CATSPERD: variants seen among roughly 807,000 people sequenced by gnomAD.
CATSPERD encodes the protein catsper channel auxiliary subunit delta.
CATSPERD carries 86 observed loss-of-function variants against 98.1 expected under a neutral mutation model. The ratio of observed to expected loss-of-function variants is 0.88; its 90% CI spans 0.74 to 1.05. CATSPERD has a LOEUF of 1.05. Among genes scored for constraint, CATSPERD ranks in the 50% least tolerant of loss-of-function variants. The pLI is 0.00. For synonymous variants in CATSPERD, 394 were observed against 390.2 expected, an observed-to-expected ratio of 1.01 and a Z score of -0.12; for missense variants, 995 against 1,005.7, an observed-to-expected ratio of 0.99 and a Z score of 0.14.
At chr19:5,753,282 C>CT (rs1302730349) in intron 12 of CATSPERD, among the ~76,000 whole-genome samples, 3 of 151,780 alleles carry the variant, frequency 2.0e-5, no homozygotes, top group African/African-American at 7.3e-5. Context: ...AAAGAGGGGG[C>CT]GGGCGCGGTG....
chr19:5,734,006 T>G (rs2055789777), intron 5 of CATSPERD, 36 bp downstream of exon 5: 1 of 1,320,196 alleles, frequency 7.6e-7, no homozygotes, highest in Non-Finnish European at 1.1e-6. Context: ...TTTGTTTGAG[T>G]GTAGTCAACA....
chr19:5,748,067 G>A (rs1332376803), intron 9 of CATSPERD, 93 bp from the exon 10 acceptor site: 3 of 967,444 alleles, frequency 3.1e-6, no homozygotes, highest in African/African-American at 1.6e-5. Context: ...GGGTGGGTTG[G>A]GTGGTGGCAG....
rs2055622743 is a variant in CATSPERD, at chr19:5,727,247, AT to A, written c.127-17del. ...GTTTATGGTTATTGATATTATTAAG[AT>A]TTTGTGATTATCTCTCTAGGACCGC... On this transcript the variant is annotated intron_variant, in intron 2 of 21. Transcript: ENST00000381624. 1.3e-6 allele frequency: 2 copies of A among 1,579,838 alleles called. No individual in the cohort carries two copies. The highest frequency in any genetic ancestry group is 1.7e-6 in the Non-Finnish European group (2 of 1,151,134).
intron 16 of CATSPERD, among the ~76,000 whole-genome samples, chr19:5,764,583 C>T (rs1199028088): frequency 1.3e-5 from 2 of 152,004 alleles, no homozygotes; most frequent in African/African-American, 2.4e-5. Context: ...TCCCAAAGTG[C>T]TGGGATTACA....
At chr19:5,765,395 G>A (rs1404938716) in intron 16 of CATSPERD, among the ~76,000 whole-genome samples, 1 of 151,180 alleles carries the variant, frequency 6.6e-6, no homozygotes, top group Non-Finnish European at 1.5e-5. Context: ...TTCATTCTAG[G>A]CCATTGATTT....
rs577469444 is a variant in CATSPERD at position 5,722,518 on chromosome 19, G to A, written c.71+1710G>A. 2.8e-4 allele frequency among the ~76,000 whole-genome samples: 42 copies of A among 152,320 alleles called. No individual in the cohort carries two copies. In the South Asian group the frequency reaches 8.7e-3, roughly 32 times the overall value. ...TAGTAAGTGGGAGAAACATTTTCCAGTGAAATTTACTAATAGGATTTGTCT... is the reference window on the plus strand; with the variant it reads ...TAGTAAGTGGGAGAAACATTTTCCAATGAAATTTACTAATAGGATTTGTCT... On this transcript the variant is annotated intron_variant, in intron 1 of 21. Coordinates refer to ENST00000381624, the MANE Select transcript of CATSPERD (RefSeq NM_152784.4).
chr19:5,773,102 C>G, intron 20 of CATSPERD, 137 bp downstream of exon 20: 1 of 848,312 alleles, frequency 1.2e-6, no homozygotes, highest in Non-Finnish European at 1.8e-6. Context: ...GCCTGTAATC[C>G]CAGCACTTTG....
chr19:5,758,947 G>T, intron 14 of CATSPERD, 139 bp from the exon 15 acceptor site: 1 of 411,744 alleles, frequency 2.4e-6, no homozygotes, highest in Non-Finnish European at 4.3e-6. Flanking sequence ...AAAAAAAAAA[G>T]GAACAGAGTG....
At chr19:5,720,998 TC>T (rs2055452748) in intron 1 of CATSPERD, among the ~76,000 whole-genome samples, 190 bp downstream of exon 1, 2 of 142,392 alleles carry the variant, frequency 1.4e-5, no homozygotes, top group South Asian at 4.4e-4. Context: ...CTCTCCTACC[TC>T]TTTTTTTTTT....
intron 8 of CATSPERD, among the ~76,000 whole-genome samples, chr19:5,745,146 T>C (rs538916603): frequency 2.0e-5 from 3 of 151,954 alleles, no homozygotes; most frequent in East Asian, 2.0e-4. Context: ...TTTCACCATA[T>C]TGGCCAGGCT....
intron 13 of CATSPERD, 67 bp from the exon 14 acceptor site, chr19:5,757,776 T>G (rs2056353666): frequency 8.3e-7 from 1 of 1,203,504 alleles, no homozygotes; most frequent in Middle Eastern, 1.9e-4. Context: ...GGGCTCACTG[T>G]GGGGGTTTGT....
chr19:5,771,025 TC>T lies in CATSPERD; in HGVS notation c.1718del (p.Pro573LeufsTer35). On this transcript the variant is annotated frameshift_variant, in exon 19 of 22. Coordinates refer to ENST00000381624, the MANE Select transcript of CATSPERD (RefSeq NM_152784.4). LOFTEE classifies it high-confidence loss of function. ...TTTACTCCTACCAGCAGCTGGGCTG[TC>T]CTCTCCTCGTCTACTATGACACCCT... ...VFYSYQQLGC[P>X]LLVYYDTLWK... 6.2e-7 allele frequency: 1 copy of T among 1,613,992 alleles called. No individual in the cohort carries two copies. The highest frequency in any genetic ancestry group is 8.5e-7 in the Non-Finnish European group (1 of 1,179,974).
intron 7 of CATSPERD, among the ~76,000 whole-genome samples, chr19:5,742,635 TGAA>T (rs892619611): frequency 4.6e-5 from 7 of 151,440 alleles, no homozygotes; most frequent in African/African-American, 1.7e-4. Context: ...TACAAAAAAT[TGAA>T]AAAGAAATGA....
Position 5,742,287 on chromosome 19 carries a change from T to C in CATSPERD, c.574-2140T>C, listed in dbSNP as rs537122388. 3.0e-3 allele frequency among the ~76,000 whole-genome samples: 353 copies of C among 117,030 alleles called. 3 individuals are homozygous for C. The highest frequency in any genetic ancestry group is 9.8e-3 in the African/African-American group (300 of 30,640). The allele number at this position is 117,030 out of a possible 152,430, so 76.8% of individuals were successfully genotyped here. On this transcript the variant is annotated intron_variant, in intron 7 of 21. Coordinates refer to ENST00000381624, the MANE Select transcript of CATSPERD (RefSeq NM_152784.4). ...GCGTGTGCATGTGTGTACGTGTGTG[T>C]GCGTGTGTACGTATGTGAATGTGTG...
At chr19:5,725,699 A>G (rs1305509488) in intron 2 of CATSPERD, among the ~76,000 whole-genome samples, 1 of 151,978 alleles carries the variant, frequency 6.6e-6, no homozygotes, top group African/African-American at 2.4e-5. Flanking sequence ...TCAGGAGTTC[A>G]AGACCAGCCT....
intron 15 of CATSPERD, 83 bp downstream of exon 15, chr19:5,759,227 T>A (rs1479599799): frequency 1.6e-6 from 2 of 1,229,694 alleles, no homozygotes; most frequent in Non-Finnish European, 2.4e-6. Context: ...AGGTCTGAGA[T>A]CAGACCCCCA....
At chr19:5,738,558 T>C (rs930386317) in intron 6 of CATSPERD, among the ~76,000 whole-genome samples, 4 of 152,040 alleles carry the variant, frequency 2.6e-5, no homozygotes, top group East Asian at 3.9e-4. Context: ...AAAAACAAAC[T>C]TAATTACTAA....
intron 21 of CATSPERD, 98 bp downstream of exon 21, chr19:5,776,413 A>C (rs2056743725): frequency 2.1e-6 from 3 of 1,399,984 alleles, no homozygotes; most frequent in Non-Finnish European, 2.9e-6. Flanking sequence ...CTAAACCTGA[A>C]TTCCCCCAAC....
intron 7 of CATSPERD, among the ~76,000 whole-genome samples, chr19:5,742,337 TAC>T (rs2056004403): frequency 8.3e-6 from 1 of 119,956 alleles, no homozygotes; most frequent in Non-Finnish European, 2.0e-5. Context: ...TGCATGTGTG[TAC>T]ATGTGTGTGT....
Sources: gnomAD v4.1 joint callset for allele counts (sites outside exome capture counted in the v4.1 genomes callset) on GRCh38, gnomAD v4.1.1 for gene constraint, MANE v1.5 for transcripts, NCBI Gene and HGNC (gene_info 2026-07-23, HGNC 2026-07-21) for gene names.